Variants in NR5A2 observed in about 807,000 individuals in gnomAD.
NR5A2 encodes CYP7A promoter-binding factor.
In NR5A2, 26 loss-of-function variants were observed where a neutral mutation model predicts 62.7. The observed-to-expected ratio is 0.41, with a 90% CI of 0.30 to 0.58. NR5A2 has a LOEUF of 0.58. NR5A2 is among the 20% of genes least tolerant of loss of function. The probability of loss-of-function intolerance (pLI) is 0.22; values close to 1 mark genes in which losing one functional copy is unlikely to be tolerated. For synonymous variants in NR5A2, 246 were observed against 241.7 expected, an observed-to-expected ratio of 1.02 and a Z score of -0.16; for missense variants, 541 against 669.1, an observed-to-expected ratio of 0.81 and a Z score of 2.11.
chr1:200,053,040 A>T (rs1263227689), intron 5 of NR5A2, among the ~76,000 whole-genome samples: 2 of 152,234 alleles, frequency 1.3e-5, no homozygotes, highest in Non-Finnish European at 2.9e-5. Flanking sequence ...AAGGGCCAGG[A>T]AATTTGGTAG....
chr1:200,028,965 C>A, intron 1 of NR5A2: 1 of 387,852 alleles, frequency 2.6e-6, no homozygotes, highest in African/African-American at 2.2e-5. Flanking sequence ...CAAAAATGTT[C>A]TATACTTACG....
chr1:200,052,158 TA>T (rs1488252313), intron 5 of NR5A2, among the ~76,000 whole-genome samples: 1 of 152,184 alleles, frequency 6.6e-6, no homozygotes, highest in Non-Finnish European at 1.5e-5. Context: ...GAGGAGGTTT[TA>T]TCGGCCATCC....
At chr1:200,110,328 A>G (rs1665883149) in intron 5 of NR5A2, among the ~76,000 whole-genome samples, 1 of 152,230 alleles carries the variant, frequency 6.6e-6, no homozygotes, top group South Asian at 2.1e-4. Flanking sequence ...AAACTGATAC[A>G]AATAGCTATA....
rs1335881796 is a variant in NR5A2, at chr1:200,177,375, T to G, written c.*3165T>G. 2 of 152,656 alleles carry G rather than the reference T, an allele frequency of 1.3e-5. No homozygotes were observed. Among genetic ancestry groups the G allele is most frequent in the African/African-American group, 4.8e-5 (2 of 41,462 alleles). The allele number at this position is 152,656 out of a possible 1,614,324, so 9.5% of individuals were successfully genotyped here. On this transcript the variant is annotated 3_prime_UTR_variant, in exon 8 of 8. Coordinates refer to ENST00000367362, the MANE Select transcript of NR5A2 (RefSeq NM_205860.3). ...CTTCTCAACAAAATGGAATTTTTTT[T>G]TTCAGTATTTCAATAAATATTGATA... is the stretch of plus-strand genomic sequence containing the variant.
At position 200,048,710 on chromosome 1, in the gene NR5A2, C is replaced by G; in HGVS notation, c.1002C>G (p.Ser334Arg). 6.2e-7 allele frequency: 1 copy of G among 1,614,210 alleles called. No individual in the cohort carries two copies. The highest frequency in any genetic ancestry group is 8.5e-7 in the Non-Finnish European group (1 of 1,180,028). Residue 334 changes from serine (S) to arginine (R), a missense_variant, in exon 5 of 8, where the codon AGC becomes AGG. Physicochemically the swap from Ser to Arg is moderately radical, Grantham distance 110. Around this residue, in one of 3 missense-constraint regions of NR5A2, gnomAD observed 379 missense variants for 442.0 expected, o/e 0.86. Coordinates refer to ENST00000367362, the MANE Select transcript of NR5A2 (RefSeq NM_205860.3). The surrounding 1 kb of genome is among the most constrained non-coding windows in gnomAD (Gnocchi z 4.8). ...TGCAGCAAGAGCAGGCTAACCGAAG[C>G]AAGCACGAAAAGCTGAGCACCTTTG... is the stretch of plus-strand genomic sequence containing the variant. ...AYLQQEQANR[S>R]KHEKLSTFGL...
chr1:200,083,482 TAAG>T (rs1436348860), intron 5 of NR5A2, among the ~76,000 whole-genome samples: 1 of 152,208 alleles, frequency 6.6e-6, no homozygotes, highest in African/African-American at 2.4e-5. Context: ...AATGGTGAGA[TAAG>T]AATTTTTATG....
Position 200,048,253 on chromosome 1 carries a change from A to G in NR5A2, c.545A>G (p.Lys182Arg). The change falls in exon 5 of 8, where the codon AAA becomes AGA. Residue 182 changes from lysine (K) to arginine (R), a missense_variant. This residue lies in a region of NR5A2 where 379 missense variants were observed against 442.0 expected (regional missense o/e 0.86). Transcript: ENST00000367362. This position sits in a 1 kb window ranked among gnomAD's most constrained non-coding sequence, Gnocchi z 4.8. ...YKRDRALKQQ[K>R]KALIRANGLK... ...AGAGACAGGGCCCTGAAGCAACAGAAAAAAGCCCTCATCCGAGCCAATGGA... is the reference window on the plus strand; with the variant it reads ...AGAGACAGGGCCCTGAAGCAACAGAGAAAAGCCCTCATCCGAGCCAATGGA... 6.2e-7 allele frequency: 1 copy of G among 1,614,156 alleles called. No individual in the cohort carries two copies. The highest frequency in any genetic ancestry group is 1.3e-5 in the African/African-American group (1 of 75,034).
intron 5 of NR5A2, among the ~76,000 whole-genome samples, chr1:200,082,268 C>T (rs1664330753): frequency 6.6e-6 from 1 of 152,284 alleles, no homozygotes; most frequent in South Asian, 2.1e-4. Context: ...TTGGATAAAA[C>T]AGATGCACTA....
At chr1:200,090,291 T>TGTGGACG (rs1420778074) in intron 5 of NR5A2, among the ~76,000 whole-genome samples, 6 of 152,228 alleles carry the variant, frequency 3.9e-5, no homozygotes, top group African/African-American at 1.4e-4. Context: ...CACCTTTTGG[T>TGTGGACG]CTCAGGACGC....
In NR5A2 at chr1:200,106,225, T is replaced by G. The variant is rs145947694; in HGVS notation, c.1111-4977T>G. On this transcript the variant is annotated intron_variant, in intron 5 of 7. Coordinates refer to ENST00000367362, the MANE Select transcript of NR5A2 (RefSeq NM_205860.3). ...GGCACCCGCCACCATGCCCACCTAATTTTTTGTATTTTTAGTAGAGACGGG... is the reference window on the plus strand; with the variant it reads ...GGCACCCGCCACCATGCCCACCTAAGTTTTTGTATTTTTAGTAGAGACGGG... 8.3e-3 allele frequency among the ~76,000 whole-genome samples: 1,259 copies of G among 152,064 alleles called. 13 individuals carry two copies. Among genetic ancestry groups the G allele is most frequent in the African/African-American group, 0.027 (1,102 of 41,516 alleles).
At chr1:200,054,246 C>G (rs1371053548) in intron 5 of NR5A2, 1 of 152,188 alleles carries the variant, frequency 6.6e-6, no homozygotes. Flanking sequence ...GTTGAGTGAC[C>G]TATGCTCTTG....
chr1:200,130,321 G>GAAGAAA (rs1219705682), intron 7 of NR5A2, among the ~76,000 whole-genome samples: 1 of 31,732 alleles, frequency 3.2e-5, no homozygotes. Context: ...AGAAGAAGAA[G>GAAGAAA]AAAAAAAAAA....
chr1:200,148,442 C>T (rs923448317), intron 7 of NR5A2, among the ~76,000 whole-genome samples: 2 of 152,174 alleles, frequency 1.3e-5, no homozygotes, highest in Non-Finnish European at 2.9e-5. Flanking sequence ...GAGAAGACAC[C>T]AGCCCCAGGC....
intron 7 of NR5A2, among the ~76,000 whole-genome samples, chr1:200,133,552 TATATACACAC>T (rs1213382459): frequency 5.8e-5 from 3 of 51,916 alleles, no homozygotes; most frequent in African/African-American, 1.0e-4. Context: ...TATATACACA[TATATACACAC>T]ATATATATAT....
At position 200,077,648 on chromosome 1, in the gene NR5A2, A is replaced by C. The variant is rs1228748000; in HGVS notation, c.1110+28830A>C. 3.3e-5 allele frequency among the ~76,000 whole-genome samples: 5 copies of C among 152,218 alleles called. No homozygotes were observed. The East Asian group carries it at 9.6e-4, about 29-fold the overall frequency. ...AGAATCGCTTGAACCTGGGAGGCGG[A>C]GGTTGCAGTGAGCCAAGATAGTGCT... On this transcript the variant is annotated intron_variant, in intron 5 of 7. Coordinates refer to ENST00000367362, the MANE Select transcript of NR5A2 (RefSeq NM_205860.3).
In NR5A2 at chr1:200,174,000, T is replaced by C. The variant is rs754105342; in HGVS notation, c.1416T>C (p.Gly472=). 13 of 1,549,016 alleles carry C rather than the reference T, an allele frequency of 8.4e-6. No homozygotes were observed. In the Admixed American group the frequency reaches 2.5e-4, roughly 29 times the overall value. The change falls in exon 8 of 8, where the codon GGT becomes GGC. Residue 472 remains glycine (G), a synonymous_variant. Transcript: ENST00000367362. ...KNLENFQLVE[G]VQEQVNAALL... Reference sequence around the variant, plus strand: ...TTGAAAACTTCCAGCTGGTAGAAGGTGTCCAGGAACAAGTCAATGCCGCCC... The same window carrying C: ...TTGAAAACTTCCAGCTGGTAGAAGGCGTCCAGGAACAAGTCAATGCCGCCC...
At chr1:200,090,791 C>G (rs1664778408) in intron 5 of NR5A2, among the ~76,000 whole-genome samples, 6 of 152,116 alleles carry the variant, frequency 3.9e-5, no homozygotes. Context: ...GAGGACAGCA[C>G]AGATGTCTCT....
intron 7 of NR5A2, among the ~76,000 whole-genome samples, chr1:200,124,486 G>A (rs1314933581): frequency 6.6e-6 from 1 of 152,132 alleles, no homozygotes; most frequent in Non-Finnish European, 1.5e-5. Context: ...GTCAAGAAAG[G>A]AAATAAGTAA....
chr1:200,044,249 A>G, intron 3 of NR5A2: 1 of 158,452 alleles, frequency 6.3e-6, no homozygotes, highest in Non-Finnish European at 1.4e-5. Context: ...ATGACAAACT[A>G]TTTCCCAAAT....
Sources: gnomAD v4.1 joint callset for allele counts (sites outside exome capture counted in the v4.1 genomes callset) on GRCh38, gnomAD v4.1.1 for gene constraint, gnomAD v4.1.1 regional missense constraint, Gnocchi (gnomAD v3.1) non-coding constraint, MANE v1.5 for transcripts, NCBI Gene and HGNC (gene_info 2026-07-23, HGNC 2026-07-21) for gene names.